The following MGAT4C variants were observed in gnomAD, a reference collection of about 807,000 sequenced individuals.
MGAT4C encodes MGAT4 family member C, also known as alpha-1,3-mannosyl-glycoprotein 4-beta-N-acetylglucosaminyltransferase C.
MGAT4C carries 19 observed loss-of-function variants against 40.1 expected under a neutral mutation model. That is an observed-to-expected ratio of 0.47 (90% CI 0.33 to 0.70). MGAT4C has a LOEUF of 0.70. Among genes scored for constraint, MGAT4C ranks in the 30% least tolerant of loss-of-function variants. The pLI is 0.02. For missense variants in MGAT4C, 491 were observed against 563.2 expected (o/e 0.87, Z 1.30); for synonymous variants, 181 against 187.1 (o/e 0.97, Z 0.27).
chr12:86,585,903 T>G (rs1302397764), intron 2 of MGAT4C, among the ~76,000 whole-genome samples: 1 of 151,372 alleles, frequency 6.6e-6, no homozygotes, highest in Non-Finnish European at 1.5e-5. Context: ...TACATCTTCT[T>G]GAATTTCTCA....
At chr12:86,612,398 A>AT (rs1962313774) in intron 2 of MGAT4C, among the ~76,000 whole-genome samples, 2 of 152,108 alleles carry the variant, frequency 1.3e-5, no homozygotes, top group Admixed American at 1.3e-4. Context: ...TATCACATAG[A>AT]TTTTCAGGTC....
intron 2 of MGAT4C, among the ~76,000 whole-genome samples, chr12:86,712,548 A>C (rs1950575812): frequency 6.6e-6 from 1 of 152,134 alleles, no homozygotes; most frequent in East Asian, 1.9e-4. Context: ...TCCACTTGAC[A>C]AAGCATTTAT....
intron 2 of MGAT4C, among the ~76,000 whole-genome samples, chr12:86,537,209 C>G (rs1413656284): frequency 6.6e-6 from 1 of 151,462 alleles, no homozygotes; most frequent in African/African-American, 2.4e-5. Flanking sequence ...CATCACACAT[C>G]AGGGCCTGTT....
At chr12:86,087,869 GA>G (rs758992575) in intron 1 of MGAT4C, among the ~76,000 whole-genome samples, 19 of 150,392 alleles carry the variant, frequency 1.3e-4, no homozygotes, top group East Asian at 5.8e-4. Flanking sequence ...CACAAAAATA[GA>G]AAAAAAAACT....
At chr12:86,101,679 C>T (rs1297555162) in intron 1 of MGAT4C, among the ~76,000 whole-genome samples, 2 of 151,682 alleles carry the variant, frequency 1.3e-5, no homozygotes, top group Non-Finnish European at 3.0e-5. Context: ...AATGGTAGTA[C>T]AGTAAAAGCT....
intron 1 of MGAT4C, among the ~76,000 whole-genome samples, chr12:86,179,993 C>T (rs1020803512): frequency 1.3e-5 from 2 of 152,186 alleles, no homozygotes; most frequent in Non-Finnish European, 2.9e-5. Context: ...CAGCCGCTCC[C>T]ATCACAGGCC....
At chr12:86,548,585 T>C (rs573691149) in intron 2 of MGAT4C, among the ~76,000 whole-genome samples, 1 of 152,256 alleles carries the variant, frequency 6.6e-6, no homozygotes, top group East Asian at 1.9e-4. Flanking sequence ...ATCAGCCAGA[T>C]GAACATTTTA....
chr12:86,047,047 C>A (rs931857592), intron 2 of MGAT4C, among the ~76,000 whole-genome samples: 1 of 152,106 alleles, frequency 6.6e-6, no homozygotes. Flanking sequence ...TTTTAGTTTA[C>A]AATACAGCAA....
chr12:86,014,799 G>A (rs1384516311), intron 2 of MGAT4C, among the ~76,000 whole-genome samples: 1 of 151,936 alleles, frequency 6.6e-6, no homozygotes, highest in African/African-American at 2.4e-5. Flanking sequence ...AGGAGTACTT[G>A]GGGACGTGGA....
At position 86,394,562 on chromosome 12, in the gene MGAT4C, T is replaced by C. The variant is rs1304770886; in HGVS notation, c.-120+40595A>G. On this transcript the variant is annotated intron_variant, in intron 3 of 7. Coordinates refer to the MGAT4C transcript ENST00000548651. ...ATATATTTATATATATTTATATATT[T>C]ATATATATTTATATATGTGTATAAA... 7.6e-5 allele frequency among the ~76,000 whole-genome samples: 11 copies of C among 145,336 alleles called. No homozygotes were observed. In the East Asian group the frequency reaches 2.2e-3, roughly 28 times the overall value.
At chr12:86,694,158 C>T (rs1277749331) in intron 2 of MGAT4C, among the ~76,000 whole-genome samples, 2 of 152,104 alleles carry the variant, frequency 1.3e-5, no homozygotes, top group Admixed American at 1.3e-4. Flanking sequence ...CTTTCCAGCT[C>T]TTTCTTAGTG....
chr12:86,683,792 C>G (rs943205924), intron 2 of MGAT4C, among the ~76,000 whole-genome samples: 4 of 152,030 alleles, frequency 2.6e-5, no homozygotes, highest in African/African-American at 9.7e-5. Context: ...CGTTTGTGTC[C>G]TCAACAGATC....
chr12:86,358,747 T>C (rs575349403), intron 3 of MGAT4C, among the ~76,000 whole-genome samples: 1 of 152,144 alleles, frequency 6.6e-6, no homozygotes, highest in South Asian at 2.1e-4. Flanking sequence ...TGCATAATGG[T>C]AAAGGGATCA....
intron 3 of MGAT4C, among the ~76,000 whole-genome samples, chr12:86,368,627 T>G (rs1955655217): frequency 6.6e-6 from 1 of 152,100 alleles, no homozygotes; most frequent in Admixed American, 6.5e-5. Context: ...GTTTCCATTA[T>G]GATTTATTTT....
chr12:86,096,313 A>C (rs1390340109), intron 1 of MGAT4C, among the ~76,000 whole-genome samples: 1 of 151,376 alleles, frequency 6.6e-6, no homozygotes, highest in Non-Finnish European at 1.5e-5. Context: ...ATTTTTAAAC[A>C]TTTATTTATA....
chr12:86,352,533 A>G (rs1003485543), intron 3 of MGAT4C, among the ~76,000 whole-genome samples: 2 of 152,158 alleles, frequency 1.3e-5, no homozygotes, highest in African/African-American at 4.8e-5. Flanking sequence ...TTAACAATGT[A>G]TCTTGGAAAT....
chr12:86,626,878 G>A (rs1288550864), intron 2 of MGAT4C, among the ~76,000 whole-genome samples: 2 of 152,192 alleles, frequency 1.3e-5, no homozygotes, highest in African/African-American at 2.4e-5. Context: ...TGGACAGTGG[G>A]TGCAACCCAC....
At chr12:86,622,174 G>A (rs890872608) in intron 2 of MGAT4C, among the ~76,000 whole-genome samples, 20 of 152,032 alleles carry the variant, frequency 1.3e-4, no homozygotes, top group Non-Finnish European at 2.1e-4. Flanking sequence ...TTGGTAAATG[G>A]GGAAGTATCT....
At chr12:86,495,234 A>G (rs1958216424) in intron 2 of MGAT4C, 1 of 152,112 alleles carries the variant, frequency 6.6e-6, no homozygotes, top group South Asian at 2.1e-4. Flanking sequence ...AGTATATAGT[A>G]AAATTATGGA....
Sources: allele counts gnomAD v4.1 joint callset (sites outside exome capture counted in the v4.1 genomes callset), GRCh38; gene constraint gnomAD v4.1.1; transcripts MANE v1.5; gene names NCBI Gene and HGNC (gene_info 2026-07-23, HGNC 2026-07-21).